The following LRRTM4 variants were observed in gnomAD, a reference collection of about 807,000 sequenced individuals.
The protein encoded by LRRTM4 is leucine rich repeat transmembrane neuronal 4, also known as leucine-rich repeat transmembrane neuronal protein 4.
Under a neutral mutation model 47.6 loss-of-function variants are expected in LRRTM4, and 25 were observed. That is an observed-to-expected ratio of 0.53 (90% CI 0.38 to 0.73). The LOEUF is 0.73. Ranked by LOEUF, LRRTM4 falls within the 30% of genes least tolerant of loss-of-function variation. The probability of loss-of-function intolerance (pLI) is 0.00; values close to 1 mark genes in which losing one functional copy is unlikely to be tolerated. For synonymous variants in LRRTM4, 311 were observed against 269.5 expected, an observed-to-expected ratio of 1.15 and a Z score of -1.51; for missense variants, 638 against 713.4, an observed-to-expected ratio of 0.89 and a Z score of 1.20.
At chr2:77,148,489 A>G (rs1403023730) in intron 3 of LRRTM4, among the ~76,000 whole-genome samples, 1 of 152,144 alleles carries the variant, frequency 6.6e-6, no homozygotes, top group Non-Finnish European at 1.5e-5. Context: ...CAAACCCTAC[A>G]TTAGCCAATT....
chr2:76,767,672 T>G (rs1275807181), intron 3 of LRRTM4, among the ~76,000 whole-genome samples: 1 of 150,072 alleles, frequency 6.7e-6, no homozygotes, highest in East Asian at 1.9e-4. Flanking sequence ...GCTCCCACTC[T>G]GCATAGCATT....
intron 3 of LRRTM4, among the ~76,000 whole-genome samples, chr2:76,974,175 T>TATATACACATAC (rs1676322912): frequency 9.5e-5 from 13 of 137,350 alleles, no homozygotes; most frequent in African/African-American, 3.2e-4. Context: ...TATACATACA[T>TATATACACATAC]ATATATACAT....
chr2:77,372,591 A>C (rs1672690067), intron 3 of LRRTM4, among the ~76,000 whole-genome samples: 1 of 151,752 alleles, frequency 6.6e-6, no homozygotes, highest in African/African-American at 2.4e-5. Context: ...TCTGGTAAAA[A>C]ATTTTCCACT....
chr2:76,904,988 A>T (rs1673774111), intron 3 of LRRTM4, among the ~76,000 whole-genome samples: 2 of 152,168 alleles, frequency 1.3e-5, no homozygotes, highest in Non-Finnish European at 2.9e-5. Context: ...AGCATTGAAG[A>T]AAGCAGTGGT....
intron 3 of LRRTM4, among the ~76,000 whole-genome samples, chr2:76,755,096 T>G (rs1023878390): frequency 6.6e-6 from 1 of 152,188 alleles, no homozygotes; most frequent in African/African-American, 2.4e-5. Context: ...CAAAAAGGAC[T>G]ATATCATGTG....
In LRRTM4 at chr2:77,172,393, G is replaced by C. The variant is rs138275275; in HGVS notation, c.1551+345925C>G. Among the ~76,000 whole-genome samples the C allele has an allele frequency of 9.7e-3, 1,473 of 152,108 alleles. 16 individuals carry two copies. Among genetic ancestry groups the C allele is most frequent in the African/African-American group, 0.033 (1,362 of 41,502 alleles). On this transcript the variant is annotated intron_variant, in intron 3 of 3. Coordinates refer to ENST00000409884, the MANE Select transcript of LRRTM4 (RefSeq NM_001134745.3). Reference sequence around the variant, plus strand: ...GGGTAGATCACGAGATCAGGAGTTCGAGACTAGCCTGGCCAATATGGTGAA... The same window carrying C: ...GGGTAGATCACGAGATCAGGAGTTCCAGACTAGCCTGGCCAATATGGTGAA...
intron 3 of LRRTM4, among the ~76,000 whole-genome samples, chr2:77,102,879 A>G (rs1185810636): frequency 6.6e-6 from 1 of 152,110 alleles, no homozygotes; most frequent in South Asian, 2.1e-4. Context: ...ATTCATCTAT[A>G]TATTGTTTAT....
At chr2:77,453,110 A>G (rs1338676725) in intron 3 of LRRTM4, among the ~76,000 whole-genome samples, 1 of 151,444 alleles carries the variant, frequency 6.6e-6, no homozygotes, top group Non-Finnish European at 1.5e-5. Flanking sequence ...GATTTTTGAT[A>G]TGACAAAAAC....
In LRRTM4 at chr2:77,203,002, A is replaced by T. The variant is rs570081603; in HGVS notation, c.1551+315316T>A. On this transcript the variant is annotated intron_variant, in intron 3 of 3. Coordinates refer to ENST00000409884, the MANE Select transcript of LRRTM4 (RefSeq NM_001134745.3). ...ATTCCCCACCTGGCTGGTTTCGCAC[A>T]TTAAGACTACCTACTGGTCTTGATA... 8.5e-5 allele frequency among the ~76,000 whole-genome samples: 13 copies of T among 152,212 alleles called. No individual in the cohort carries two copies. The East Asian group carries it at 2.5e-3, about 29-fold the overall frequency.
intron 3 of LRRTM4, among the ~76,000 whole-genome samples, chr2:77,237,944 T>C (rs1462319547): frequency 6.6e-6 from 1 of 152,022 alleles, no homozygotes. Context: ...ATATATATAC[T>C]CAAACATACA....
chr2:77,226,303 G>C (rs1674805796), intron 3 of LRRTM4, among the ~76,000 whole-genome samples: 3 of 151,620 alleles, frequency 2.0e-5, no homozygotes, highest in African/African-American at 7.2e-5. Context: ...GGTACGGTCA[G>C]AGAATCACAA....
chr2:76,979,410 G>A (rs554982321), intron 3 of LRRTM4, among the ~76,000 whole-genome samples: 4 of 151,980 alleles, frequency 2.6e-5, no homozygotes, highest in African/African-American at 9.7e-5. Context: ...TGTGACCAAG[G>A]TGCTCATATG....
chr2:76,786,604 AAAGCT>A, intron 3 of LRRTM4, among the ~76,000 whole-genome samples: 1 of 152,148 alleles, frequency 6.6e-6, no homozygotes, highest in East Asian at 1.9e-4. Context: ...AAACCAAAAC[AAAGCT>A]AAGAGCAGAG....
intron 3 of LRRTM4, among the ~76,000 whole-genome samples, chr2:77,098,111 C>T (rs1670860216): frequency 1.3e-5 from 2 of 151,840 alleles, no homozygotes; most frequent in Non-Finnish European, 2.9e-5. Flanking sequence ...TTCACACTTG[C>T]AAATAAATAG....
intron 3 of LRRTM4, among the ~76,000 whole-genome samples, chr2:77,127,729 C>G: frequency 6.6e-6 from 1 of 152,198 alleles, no homozygotes; most frequent in East Asian, 1.9e-4. Context: ...CATGCATGGT[C>G]TTGGAGTCAA....
At chr2:77,052,643 A>G (rs550043960) in intron 3 of LRRTM4, among the ~76,000 whole-genome samples, 2 of 152,180 alleles carry the variant, frequency 1.3e-5, no homozygotes, top group African/African-American at 4.8e-5. Context: ...TAGAATCTAT[A>G]TAACAGGTTT....
At chr2:76,945,721 A>T (rs890289461) in intron 3 of LRRTM4, among the ~76,000 whole-genome samples, 1 of 151,392 alleles carries the variant, frequency 6.6e-6, no homozygotes, top group East Asian at 1.9e-4. Context: ...AAAATATGAA[A>T]TATGTCAAGC....
chr2:77,290,893 T>C (rs991403263), intron 3 of LRRTM4, among the ~76,000 whole-genome samples: 1 of 152,060 alleles, frequency 6.6e-6, no homozygotes, highest in Non-Finnish European at 1.5e-5. Flanking sequence ...AGCTCCCTGA[T>C]ATGTTGTTCA....
intron 3 of LRRTM4, among the ~76,000 whole-genome samples, chr2:77,269,461 T>C (rs1383142253): frequency 4.6e-5 from 7 of 152,156 alleles, no homozygotes; most frequent in Non-Finnish European, 1.0e-4. Context: ...ACACATTGCA[T>C]TGTTAATGAC....
Sources: gnomAD v4.1 joint callset for allele counts (sites outside exome capture counted in the v4.1 genomes callset) on GRCh38, gnomAD v4.1.1 for gene constraint, MANE v1.5 for transcripts, NCBI Gene and HGNC (gene_info 2026-07-23, HGNC 2026-07-21) for gene names.